DMD: variants seen among roughly 807,000 people sequenced by gnomAD.
The protein encoded by DMD is dystrophin.
Under a neutral mutation model 330.1 loss-of-function variants are expected in DMD, and 63 were observed. The ratio of observed to expected loss-of-function variants is 0.19; its 90% CI spans 0.16 to 0.24. The LOEUF (loss-of-function observed/expected upper bound fraction) is 0.24. Among genes scored for constraint, DMD ranks in the 10% least tolerant of loss-of-function variants. The pLI, the probability that DMD is intolerant of heterozygous loss-of-function variation, is 1.00. For missense variants in DMD, 3,344 were observed against 2,684.1 expected (o/e 1.25, Z -5.43); for synonymous variants, 1,223 against 959.8 (o/e 1.27, Z -5.07).
At chrX:32,930,328 A>G (rs906244301) in intron 2 of DMD, among the ~76,000 whole-genome samples, 1 of 110,696 alleles carries the variant, frequency 9.0e-6, no homozygotes, top group Non-Finnish European at 1.9e-5. Context: ...GTCGGGGACC[A>G]TCTCTGTACT....
At chrX:31,378,091 C>T (rs368772095) in intron 60 of DMD, among the ~76,000 whole-genome samples, 167 of 111,407 alleles carry the variant, frequency 1.5e-3, no homozygotes, top group African/African-American at 5.3e-3. Context: ...TTGGACTCAG[C>T]CCGCCTGCAT....
At chrX:33,270,604 A>T (rs889322320) in intron 1 of DMD, among the ~76,000 whole-genome samples, 3 of 111,977 alleles carry the variant, frequency 2.7e-5, no homozygotes, top group Non-Finnish European at 5.6e-5. Flanking sequence ...CAGCTTAGAC[A>T]CTTGAGAAGA....
At chrX:31,917,157 A>AT (rs1372148360) in intron 47 of DMD, among the ~76,000 whole-genome samples, 1 of 111,555 alleles carries the variant, frequency 9.0e-6, no homozygotes, top group Non-Finnish European at 1.9e-5. Flanking sequence ...GCAGAACCTC[A>AT]GGTCCTATGC....
At chrX:32,921,842 CCCATCCATCCATTCAT>C (rs1428322892) in intron 2 of DMD, among the ~76,000 whole-genome samples, 7 of 111,391 alleles carry the variant, frequency 6.3e-5, no homozygotes, top group African/African-American at 2.3e-4. Flanking sequence ...TATCCATGCA[CCCATCCATCCATTCAT>C]CCATCCATCC....
intron 53 of DMD, among the ~76,000 whole-genome samples, chrX:31,675,449 G>T (rs761761046): frequency 8.9e-6 from 1 of 111,737 alleles, no homozygotes; most frequent in Non-Finnish European, 1.9e-5. Flanking sequence ...TGCAACCTCC[G>T]CCTCCCGGGT....
At chrX:32,224,862 C>T (rs2097142317) in intron 43 of DMD, among the ~76,000 whole-genome samples, 1 of 111,608 alleles carries the variant, frequency 9.0e-6, no homozygotes, top group Non-Finnish European at 1.9e-5. Context: ...ATGCCTTTAT[C>T]CCCTCTCTTC....
chrX:33,151,401 T>C (rs1373124686), intron 1 of DMD, among the ~76,000 whole-genome samples: 10 of 112,795 alleles, frequency 8.9e-5, no homozygotes, highest in Non-Finnish European at 9.4e-5. Context: ...TTTCTTCAAT[T>C]TAACTAAAGA....
intron 1 of DMD, among the ~76,000 whole-genome samples, chrX:33,155,537 A>T (rs181577312): frequency 8.1e-5 from 9 of 110,689 alleles, no homozygotes; most frequent in African/African-American, 3.0e-4. Flanking sequence ...GCTGGTCTTG[A>T]ACCCCTGACC....
rs186798436 is a variant in DMD, at chrX:32,423,707, A to C, written c.4072-11794T>G. Among the ~76,000 whole-genome samples the C allele has an allele frequency of 4.1e-4, 46 of 111,238 alleles. No homozygotes were observed. In the East Asian group the frequency reaches 0.013, roughly 31 times the overall value. On this transcript the variant is annotated intron_variant, in intron 29 of 78. Coordinates refer to ENST00000357033, the MANE Select transcript of DMD (RefSeq NM_004006.3). The stretch of plus-strand genomic sequence containing the variant: ...TGGAATTACTACTTACAAAGAAAAA[A>C]TCCATGATTCATGGTGATTAAAATA...
intron 2 of DMD, among the ~76,000 whole-genome samples, chrX:32,930,199 C>T (rs945579347): frequency 9.9e-5 from 11 of 110,759 alleles, no homozygotes; most frequent in African/African-American, 3.3e-4. Flanking sequence ...TTATTAAATA[C>T]TATACTGAAA....
At chrX:32,507,363 G>A (rs755459634) in intron 18 of DMD, among the ~76,000 whole-genome samples, 1 of 111,595 alleles carries the variant, frequency 9.0e-6, no homozygotes, top group Admixed American at 9.5e-5. Flanking sequence ...GATATAAAAA[G>A]TAGAATGAGA....
chrX:31,411,518 A>G (rs1470302488), intron 60 of DMD, among the ~76,000 whole-genome samples: 2 of 112,304 alleles, frequency 1.8e-5, no homozygotes, highest in Non-Finnish European at 3.8e-5. Flanking sequence ...TATATTGGTC[A>G]CTTTTGTATG....
intron 61 of DMD, among the ~76,000 whole-genome samples, chrX:31,341,913 A>ACACG (rs2057792805): frequency 1.9e-5 from 2 of 107,724 alleles, no homozygotes; most frequent in Admixed American, 2.0e-4. Context: ...ACACACACAC[A>ACACG]CACACACGCA....
rs749503280 is a variant in DMD at position 31,569,593 on chromosome X, T to A, written c.8217+58080A>T. ...TATGTGTATATATATAAAATATATA[T>A]ATACACATATATGTATATACGTATA... On this transcript the variant is annotated intron_variant, in intron 55 of 78. Coordinates refer to ENST00000357033, the MANE Select transcript of DMD (RefSeq NM_004006.3). Among the ~76,000 whole-genome samples, 166 of 102,247 alleles carry A rather than the reference T, an allele frequency of 1.6e-3. 3 individuals are homozygous for A. Among genetic ancestry groups the A allele is most frequent in the African/African-American group, 5.4e-3 (155 of 28,523 alleles). 88.8% of individuals were successfully genotyped at this position (102,247 alleles called of 115,157 possible).
intron 1 of DMD, among the ~76,000 whole-genome samples, chrX:33,205,164 T>A: frequency 8.9e-6 from 1 of 112,709 alleles, no homozygotes; most frequent in Non-Finnish European, 1.9e-5. Context: ...AAAGTCTAAT[T>A]TCCCTTTTGC....
intron 64 of DMD, among the ~76,000 whole-genome samples, chrX:31,218,982 C>T (rs1487741488): frequency 9.0e-6 from 1 of 111,446 alleles, no homozygotes; most frequent in East Asian, 2.8e-4. Flanking sequence ...TTCACATCCA[C>T]TCTACCTCTG....
chrX:31,544,962 T>C (rs905024181), intron 55 of DMD, among the ~76,000 whole-genome samples: 4 of 111,649 alleles, frequency 3.6e-5, no homozygotes, highest in Non-Finnish European at 5.6e-5. Flanking sequence ...GCTTGTTGAA[T>C]AGGCAAGGGC....
Position 32,763,705 on chromosome X carries a change from T to C in DMD, c.649+45788A>G, listed in dbSNP as rs191708879. 4.6e-3 allele frequency among the ~76,000 whole-genome samples: 513 copies of C among 112,139 alleles called. 5 individuals are homozygous for C. The highest frequency in any genetic ancestry group is 0.016 in the African/African-American group (498 of 30,948). ...CCAATCTATATTTCAAGTGTCTACCTTGATATCTTTCAGAATCAATTTTAC... is the reference window on the plus strand; with the variant it reads ...CCAATCTATATTTCAAGTGTCTACCCTGATATCTTTCAGAATCAATTTTAC... On this transcript the variant is annotated intron_variant, in intron 7 of 78. Coordinates refer to ENST00000357033, the MANE Select transcript of DMD (RefSeq NM_004006.3).
At chrX:32,953,821 TTACAATGAATGTAA>T (rs2091407400) in intron 2 of DMD, among the ~76,000 whole-genome samples, 1 of 111,949 alleles carries the variant, frequency 8.9e-6, no homozygotes, top group Non-Finnish European at 1.9e-5. Context: ...TACCAAGAGG[TTACAATGAATGTAA>T]TAAAACATCT....
Sources: gnomAD v4.1 joint callset for allele counts (sites outside exome capture counted in the v4.1 genomes callset) on GRCh38, gnomAD v4.1.1 for gene constraint, MANE v1.5 for transcripts, NCBI Gene and HGNC (gene_info 2026-07-23, HGNC 2026-07-21) for gene names.